Variants in UBAC2 observed in about 807,000 individuals in gnomAD.
The protein encoded by UBAC2 is UBA domain containing 2.
UBAC2 carries 26 observed loss-of-function variants against 44.0 expected under a neutral mutation model. That is an observed-to-expected ratio of 0.59 (90% CI 0.43 to 0.82). The LOEUF is 0.82. UBAC2 is among the 40% of genes least tolerant of loss of function. UBAC2 has a pLI of 0.00. For synonymous variants in UBAC2, 155 were observed against 154.3 expected, an observed-to-expected ratio of 1.00 and a Z score of -0.04; for missense variants, 329 against 419.4, an observed-to-expected ratio of 0.78 and a Z score of 1.88.
At chr13:99,310,105 T>C (rs1416810243) in intron 4 of UBAC2, among the ~76,000 whole-genome samples, 1 of 152,212 alleles carries the variant, frequency 6.6e-6, no homozygotes, top group Non-Finnish European at 1.5e-5. Context: ...GGCAGGAGGA[T>C]TGCCTGATGC....
intron 1 of UBAC2, 127 bp from the exon 2 acceptor site, chr13:99,238,300 A>G: frequency 7.8e-7 from 1 of 1,285,870 alleles, no homozygotes; most frequent in Non-Finnish European, 1.1e-6. Context: ...TTAGAACCAA[A>G]TTTCAGAGTT....
chr13:99,287,815 T>C (rs1207697076), intron 4 of UBAC2, among the ~76,000 whole-genome samples: 1 of 152,096 alleles, frequency 6.6e-6, no homozygotes, highest in Non-Finnish European at 1.5e-5. Flanking sequence ...AAACCAATAA[T>C]GTTCAACTTT....
At chr13:99,273,981 G>C (rs981957490) in intron 4 of UBAC2, among the ~76,000 whole-genome samples, 1 of 151,422 alleles carries the variant, frequency 6.6e-6, no homozygotes, top group Admixed American at 6.6e-5. Context: ...TTTTATTGAG[G>C]TATAAATGTA....
chr13:99,236,700 A>G (rs1164364351), intron 1 of UBAC2, among the ~76,000 whole-genome samples: 1 of 152,150 alleles, frequency 6.6e-6, no homozygotes, highest in Non-Finnish European at 1.5e-5. Flanking sequence ...AAATACAGAA[A>G]TTAGCTGGGC....
intron 7 of UBAC2, 29 bp downstream of exon 7, chr13:99,340,594 T>G: frequency 6.3e-7 from 1 of 1,595,604 alleles, no homozygotes; most frequent in South Asian, 1.1e-5. Flanking sequence ...ACTAAAAATT[T>G]AGAAATTCTC....
chr13:99,313,776 G>A (rs1377000026), intron 4 of UBAC2, among the ~76,000 whole-genome samples: 1 of 152,174 alleles, frequency 6.6e-6, no homozygotes, highest in Non-Finnish European at 1.5e-5. Context: ...CTTTCGATTT[G>A]TCTAGTTTCT....
intron 4 of UBAC2, chr13:99,255,639 T>A: frequency 1.2e-6 from 2 of 1,613,936 alleles, no homozygotes; most frequent in Non-Finnish European, 1.7e-6. Flanking sequence ...AATAAAACAT[T>A]CGAAAGGGTA....
In UBAC2 at chr13:99,309,729, T is replaced by C. The variant is rs574840504; in HGVS notation, c.390-4368T>C. ...GATCCTCCCACCTCAGCTTCCTAAG[T>C]AGCTGGGGCTACAGGCACATGCCAC... On this transcript the variant is annotated intron_variant, in intron 4 of 8. Transcript: ENST00000403766. Among the ~76,000 whole-genome samples, 15 of 152,258 alleles carry C rather than the reference T, an allele frequency of 9.9e-5. No homozygotes were observed. In the East Asian group the frequency reaches 2.7e-3, roughly 27 times the overall value.
intron 1 of UBAC2, among the ~76,000 whole-genome samples, chr13:99,210,546 C>T (rs1244045288): frequency 4.1e-5 from 6 of 145,676 alleles, no homozygotes; most frequent in Non-Finnish European, 9.0e-5. Flanking sequence ...GGTGTGATCT[C>T]GGCTTGCTGC....
intron 4 of UBAC2, among the ~76,000 whole-genome samples, chr13:99,296,777 G>C (rs895350280): frequency 2.6e-5 from 4 of 151,948 alleles, no homozygotes; most frequent in African/African-American, 9.7e-5. Context: ...GACGACGACC[G>C]CAACAACCAT....
intron 4 of UBAC2, among the ~76,000 whole-genome samples, chr13:99,271,396 C>A (rs915992404): frequency 2.4e-4 from 37 of 152,096 alleles, no homozygotes; most frequent in African/African-American, 8.2e-4. Context: ...GAGATGGGAC[C>A]ATCCCGTACG....
intron 8 of UBAC2, among the ~76,000 whole-genome samples, chr13:99,379,751 C>A (rs552245997): frequency 6.6e-6 from 1 of 152,224 alleles, no homozygotes; most frequent in African/African-American, 2.4e-5. Flanking sequence ...ACCATACTCT[C>A]CTGTAAGACG....
At chr13:99,227,925 A>G (rs1382898943) in intron 1 of UBAC2, among the ~76,000 whole-genome samples, 2 of 152,200 alleles carry the variant, frequency 1.3e-5, no homozygotes, top group Non-Finnish European at 2.9e-5. Context: ...AGTGTGAGGT[A>G]AGAAGTTGTA....
chr13:99,327,955 T>C (rs756920534), intron 6 of UBAC2, among the ~76,000 whole-genome samples: 7 of 152,196 alleles, frequency 4.6e-5, no homozygotes, highest in Non-Finnish European at 8.8e-5. Context: ...ATAATCAATA[T>C]GGAAAGCAGT....
intron 1 of UBAC2, among the ~76,000 whole-genome samples, chr13:99,203,435 G>T (rs2042830966): frequency 6.6e-6 from 1 of 152,224 alleles, no homozygotes; most frequent in Non-Finnish European, 1.5e-5. Context: ...CTACCCCCAT[G>T]GGTGGTGAAT....
chr13:99,301,059 T>C (rs2044250511), intron 4 of UBAC2, among the ~76,000 whole-genome samples: 1 of 152,206 alleles, frequency 6.6e-6, no homozygotes, highest in South Asian at 2.1e-4. Flanking sequence ...CCCAAAGAAA[T>C]GTTAGTTCTA....
Position 99,383,405 on chromosome 13 carries a change from G to GT in UBAC2, c.928-1815dup, listed in dbSNP as rs202199802. Among the ~76,000 whole-genome samples the GT allele has an allele frequency of 3.5e-3, 524 of 151,862 alleles. 4 individuals carry two copies. Among genetic ancestry groups the GT allele is most frequent in the African/African-American group, 0.011 (459 of 41,436 alleles). On this transcript the variant is annotated intron_variant, in intron 8 of 8. Coordinates refer to ENST00000403766, the MANE Select transcript of UBAC2 (RefSeq NM_001144072.2). ...TGTTAGCTACTGTTTTTTGTTTTTT[G>GT]TTTTTTTTATCTACGACACTCTCTC...
intron 4 of UBAC2, among the ~76,000 whole-genome samples, chr13:99,259,093 T>A (rs2043617840): frequency 1.3e-5 from 2 of 152,162 alleles, no homozygotes; most frequent in African/African-American, 4.8e-5. Context: ...CTGATTTACA[T>A]ATTAAGAGTG....
chr13:99,298,550 AAT>A (rs1292848508), intron 4 of UBAC2, among the ~76,000 whole-genome samples: 2 of 152,210 alleles, frequency 1.3e-5, no homozygotes, highest in African/African-American at 4.8e-5. Flanking sequence ...AAAGATTTAA[AAT>A]ATATGTTAAA....
Sources: allele counts gnomAD v4.1 joint callset (sites outside exome capture counted in the v4.1 genomes callset), GRCh38; gene constraint gnomAD v4.1.1; transcripts MANE v1.5; gene names NCBI Gene and HGNC (gene_info 2026-07-23, HGNC 2026-07-21).